SFMBT2: variants seen among roughly 807,000 people sequenced by gnomAD.
SFMBT2 encodes Scm like with four mbt domains 2, also known as scm-like with four MBT domains protein 2.
In SFMBT2, 38 loss-of-function variants were observed where a neutral mutation model predicts 110.1. That is an observed-to-expected ratio of 0.35 (90% confidence interval 0.27 to 0.45). SFMBT2 has a LOEUF of 0.45. Ranked by LOEUF, SFMBT2 falls within the 20% of genes least tolerant of loss-of-function variation. SFMBT2 has a pLI of 1.00. For missense variants in SFMBT2, 1,011 were observed against 1,094.9 expected (o/e 0.92, Z 1.08); for synonymous variants, 425 against 425.4 (o/e 1.00, Z 0.01).
At chr10:7,227,567 C>G (rs897159873) in intron 10 of SFMBT2, among the ~76,000 whole-genome samples, 2 of 152,234 alleles carry the variant, frequency 1.3e-5, no homozygotes, top group African/African-American at 4.8e-5. Context: ...TGAGAACCAC[C>G]TACTAATCAG....
chr10:7,376,663 C>T (rs1156231018), intron 2 of SFMBT2, among the ~76,000 whole-genome samples: 1 of 133,778 alleles, frequency 7.5e-6, no homozygotes, highest in Non-Finnish European at 1.5e-5. Flanking sequence ...CACACCACTG[C>T]ACTGCAGCCT....
intron 1 of SFMBT2, among the ~76,000 whole-genome samples, chr10:7,403,137 G>A (rs1224913677): frequency 6.6e-6 from 1 of 152,110 alleles, no homozygotes. Context: ...AGTAATGTAA[G>A]CTTCATTGAA....
rs1274785486 is a variant in SFMBT2, at chr10:7,170,313, A to G, written c.2544+615T>C. On this transcript the variant is annotated intron_variant, in intron 20 of 20. Transcript: ENST00000397167. This position sits in a 1 kb window ranked among gnomAD's most constrained non-coding sequence, Gnocchi z 4.6. ...ACTGACAGGAGGCTCAACCAAAACC[A>G]GTTCTCTCCAGACAAAGGCCTGGCC... Among the ~76,000 whole-genome samples the G allele has an allele frequency of 6.6e-6, 1 of 152,220 alleles. No homozygotes were observed. Among genetic ancestry groups the G allele is most frequent in the African/African-American group, 2.4e-5 (1 of 41,460 alleles).
intron 7 of SFMBT2, among the ~76,000 whole-genome samples, chr10:7,269,464 A>C (rs1326921535): frequency 1.3e-5 from 2 of 152,170 alleles, no homozygotes; most frequent in African/African-American, 4.8e-5. Flanking sequence ...TAAAGTGTAA[A>C]AATAATAAAA....
chr10:7,330,753 T>C (rs1843540205), intron 4 of SFMBT2, among the ~76,000 whole-genome samples: 1 of 152,106 alleles, frequency 6.6e-6, no homozygotes, highest in Non-Finnish European at 1.5e-5. Context: ...CCTTCCCAAG[T>C]CAGATGTGGT....
chr10:7,315,030 GAAAGAAAGAGAA>G (rs1156578020), intron 4 of SFMBT2, among the ~76,000 whole-genome samples: 8 of 130,126 alleles, frequency 6.1e-5, no homozygotes, highest in African/African-American at 1.8e-4. Flanking sequence ...GAGAGAGAAA[GAAAGAAAGAGAA>G]AGAAAGAAAG....
chr10:7,318,788 T>C (rs1158042634), intron 4 of SFMBT2, among the ~76,000 whole-genome samples: 1 of 152,164 alleles, frequency 6.6e-6, no homozygotes, highest in Admixed American at 6.5e-5. Context: ...ACAATAAAAA[T>C]GCTAAAAAGG....
intron 14 of SFMBT2, among the ~76,000 whole-genome samples, chr10:7,199,623 G>T (rs1156660009): frequency 2.6e-5 from 4 of 152,162 alleles, no homozygotes; most frequent in African/African-American, 9.7e-5. Flanking sequence ...GAAAAATAAT[G>T]AAGTCCACAG....
intron 4 of SFMBT2, among the ~76,000 whole-genome samples, chr10:7,330,078 C>A (rs1217524072): frequency 3.3e-5 from 5 of 152,114 alleles, no homozygotes; most frequent in Non-Finnish European, 7.4e-5. Context: ...CCCTGGGAAC[C>A]CTTCTCGGCT....
intron 15 of SFMBT2, among the ~76,000 whole-genome samples, chr10:7,190,202 G>C (rs1370062768): frequency 6.6e-6 from 1 of 152,054 alleles, no homozygotes; most frequent in Non-Finnish European, 1.5e-5. Context: ...TGTTGCGTTT[G>C]TGTTTTCTGT....
chr10:7,215,598 A>AC lies in SFMBT2; in HGVS notation c.1330+4812dup, dbSNP rs550265753. On this transcript the variant is annotated intron_variant, in intron 11 of 20. Transcript: ENST00000397167. ...TGGAATCCCTCCCTAGGCAATCAGA[A>AC]CCTGGGTTCACCTGCATGGCTCACA... is the stretch of plus-strand genomic sequence containing the variant. 2.4e-4 allele frequency: 237 copies of AC among 985,366 alleles called. No homozygotes were observed. The African/African-American group carries it at 3.4e-3, about 14-fold the overall frequency. 61.0% of individuals were successfully genotyped at this position (985,366 alleles called of 1,614,324 possible).
Position 7,367,974 on chromosome 10 carries a change from GC to G in SFMBT2, c.196-86del. 1.3e-6 allele frequency: 2 copies of G among 1,521,396 alleles called. No individual in the cohort carries two copies. Among genetic ancestry groups the G allele is most frequent in the Non-Finnish European group, 1.8e-6 (2 of 1,130,674 alleles). 94.2% of individuals were successfully genotyped at this position (1,521,396 alleles called of 1,614,324 possible). On this transcript the variant is annotated intron_variant, in intron 3 of 20. Transcript: ENST00000397167. This position sits in a 1 kb window ranked among gnomAD's most constrained non-coding sequence, Gnocchi z 6.2. ...ATGACAAAAACCACTAAAAAATATG[GC>G]ACTTACAAACAATATTCCTGTTGCT...
chr10:7,280,829 G>C (rs138273223), intron 6 of SFMBT2, among the ~76,000 whole-genome samples: 3 of 152,344 alleles, frequency 2.0e-5, no homozygotes, highest in African/African-American at 7.2e-5. Context: ...CTCAGAGGTG[G>C]AGAGTATAAA....
At position 7,163,496 on chromosome 10, in the gene SFMBT2, G is replaced by T. The variant is rs1175258309; in HGVS notation, c.*274C>A. On this transcript the variant is annotated 3_prime_UTR_variant, in exon 21 of 21. Transcript: ENST00000397167. The surrounding 1 kb of genome is among the most constrained non-coding windows in gnomAD (Gnocchi z 4.8). ...GCTGCCTGATTTGGGGCAGGAGAAA[G>T]GCAAAACGTGGGTGAGCCAAGAAGC... 1.1e-5 allele frequency: 4 copies of T among 376,824 alleles called. No homozygotes were observed. The highest frequency in any genetic ancestry group is 1.9e-5 in the Non-Finnish European group (4 of 207,574). 23.3% of individuals were successfully genotyped at this position (376,824 alleles called of 1,614,324 possible).
At chr10:7,240,183 T>C (rs1375966045) in intron 9 of SFMBT2, among the ~76,000 whole-genome samples, 3 of 152,186 alleles carry the variant, frequency 2.0e-5, no homozygotes, top group Non-Finnish European at 4.4e-5. Flanking sequence ...CCAAAAACAC[T>C]AATAATTATT....
At chr10:7,347,488 T>C (rs1333083912) in intron 4 of SFMBT2, among the ~76,000 whole-genome samples, 2 of 151,882 alleles carry the variant, frequency 1.3e-5, no homozygotes, top group Non-Finnish European at 2.9e-5. Context: ...GAAAGAAAAG[T>C]AGAGAATCCA....
At chr10:7,341,310 C>G (rs962398347) in intron 4 of SFMBT2, among the ~76,000 whole-genome samples, 5 of 152,196 alleles carry the variant, frequency 3.3e-5, no homozygotes, top group Non-Finnish European at 5.9e-5. Flanking sequence ...TTCAGTAACA[C>G]AAAGCCATTT....
At chr10:7,240,151 C>T (rs868714979) in intron 9 of SFMBT2, among the ~76,000 whole-genome samples, 1 of 152,164 alleles carries the variant, frequency 6.6e-6, no homozygotes, top group Admixed American at 6.5e-5. Flanking sequence ...ATGCCACATT[C>T]CCCACCTCTG....
At chr10:7,208,750 T>G (rs895378803) in intron 11 of SFMBT2, among the ~76,000 whole-genome samples, 1 of 152,172 alleles carries the variant, frequency 6.6e-6, no homozygotes, top group Admixed American at 6.5e-5. Flanking sequence ...ATTACAACTT[T>G]CATCTTCCAA....
Sources: gnomAD v4.1 joint callset for allele counts (sites outside exome capture counted in the v4.1 genomes callset) on GRCh38, gnomAD v4.1.1 for gene constraint, Gnocchi (gnomAD v3.1) non-coding constraint, MANE v1.5 for transcripts, NCBI Gene and HGNC (gene_info 2026-07-23, HGNC 2026-07-21) for gene names.